PEAK1: variants seen among roughly 807,000 people sequenced by gnomAD.
PEAK1 encodes the protein inactive tyrosine-protein kinase PEAK1.
A neutral mutation model predicts 124.7 loss-of-function variants in PEAK1; 54 were observed. The ratio of observed to expected loss-of-function variants is 0.43; its 90% CI spans 0.35 to 0.54. The LOEUF (loss-of-function observed/expected upper bound fraction) is 0.54. Among genes scored for constraint, PEAK1 ranks in the 20% least tolerant of loss-of-function variants. PEAK1 has a pLI of 0.01. For missense variants in PEAK1, 2,046 were observed against 2,134.5 expected, an observed-to-expected ratio of 0.96 and a Z score of 0.82; for synonymous variants, 719 against 760.0, an observed-to-expected ratio of 0.95 and a Z score of 0.89.
intron 6 of PEAK1, among the ~76,000 whole-genome samples, chr15:77,183,237 TG>T (rs1193251847): frequency 6.6e-6 from 1 of 152,192 alleles, no homozygotes; most frequent in Non-Finnish European, 1.5e-5. Flanking sequence ...CACACTCATT[TG>T]TTTACATACT....
intron 1 of PEAK1, among the ~76,000 whole-genome samples, chr15:77,384,326 C>A (rs1449290272): frequency 6.6e-6 from 1 of 152,136 alleles, no homozygotes; most frequent in Non-Finnish European, 1.5e-5. Context: ...CAAATGCAAT[C>A]AGGTTTTGGC....
At chr15:77,324,559 GTAATT>G (rs1402292948) in intron 2 of PEAK1, among the ~76,000 whole-genome samples, 27 of 152,302 alleles carry the variant, frequency 1.8e-4, no homozygotes, top group Non-Finnish European at 2.8e-4. Flanking sequence ...CTGAGACTGA[GTAATT>G]TATAAAGAAA....
chr15:77,263,560 A>G (rs1347511777), intron 5 of PEAK1, among the ~76,000 whole-genome samples: 1 of 152,218 alleles, frequency 6.6e-6, no homozygotes, highest in East Asian at 1.9e-4. Context: ...ACCAGGAAGA[A>G]GCTGAATCTC....
At chr15:77,204,952 A>T (rs541082298) in intron 6 of PEAK1, 54 of 184,410 alleles carry the variant, frequency 2.9e-4, no homozygotes, top group Non-Finnish European at 5.3e-4. Context: ...AAAAGTTCAA[A>T]AAAAGGGAAA....
chr15:77,414,210 T>TCCTTC (rs1488151190), intron 1 of PEAK1, among the ~76,000 whole-genome samples: 2 of 74,004 alleles, frequency 2.7e-5, no homozygotes, highest in Non-Finnish European at 3.7e-5. Context: ...TTTCCTTCTT[T>TCCTTC]TTTTTTTTTT....
intron 7 of PEAK1, among the ~76,000 whole-genome samples, chr15:77,162,024 G>T (rs930340578): frequency 3.3e-5 from 5 of 149,698 alleles, no homozygotes; most frequent in African/African-American, 1.2e-4. Context: ...GGTTCTCAGA[G>T]TTTAAGGTTA....
chr15:77,402,213 C>G (rs2071430995), intron 1 of PEAK1: 21 of 981,918 alleles, frequency 2.1e-5, no homozygotes, highest in Non-Finnish European at 2.5e-5. Flanking sequence ...TTCCCTTGTG[C>G]CTAAGTACAA....
At chr15:77,340,845 A>G (rs145362892) in intron 2 of PEAK1, among the ~76,000 whole-genome samples, 2 of 152,128 alleles carry the variant, frequency 1.3e-5, no homozygotes, top group East Asian at 3.9e-4. Context: ...GACCACCTGC[A>G]CTCTGACCAA....
intron 1 of PEAK1, among the ~76,000 whole-genome samples, chr15:77,366,759 T>G (rs1412736624): frequency 6.6e-6 from 1 of 152,154 alleles, no homozygotes; most frequent in Non-Finnish European, 1.5e-5. Flanking sequence ...GGTTTTGCCA[T>G]GTTGTCCACG....
intron 2 of PEAK1, among the ~76,000 whole-genome samples, chr15:77,320,262 T>TA (rs1353730669): frequency 2.6e-5 from 4 of 152,144 alleles, no homozygotes; most frequent in African/African-American, 9.7e-5. Context: ...CAGAATTCAA[T>TA]AATAAAATGT....
chr15:77,301,642 T>C (rs2063793248), intron 2 of PEAK1, among the ~76,000 whole-genome samples: 2 of 152,348 alleles, frequency 1.3e-5, no homozygotes, highest in South Asian at 2.1e-4. Flanking sequence ...ATATCAAGGA[T>C]ACACGACATC....
chr15:77,158,377 G>C (rs1003195435), intron 8 of PEAK1, 126 bp downstream of exon 8: 4 of 863,304 alleles, frequency 4.6e-6, no homozygotes, highest in Non-Finnish European at 5.3e-6. Context: ...CTTAAAATTT[G>C]TAACTCCAAT....
chr15:77,402,163 C>T, intron 1 of PEAK1: 4 of 741,376 alleles, frequency 5.4e-6, no homozygotes, highest in Non-Finnish European at 6.1e-6. Context: ...GGACACTCCA[C>T]CTCGGAAAAA....
intron 5 of PEAK1, among the ~76,000 whole-genome samples, chr15:77,253,954 G>A (rs947226519): frequency 6.6e-6 from 1 of 152,080 alleles, no homozygotes; most frequent in Non-Finnish European, 1.5e-5. Flanking sequence ...GAGTAGCTGC[G>A]ATTACAGGTG....
intron 2 of PEAK1, chr15:77,335,541 A>G (rs1567274231): frequency 3.2e-6 from 3 of 951,676 alleles, no homozygotes; most frequent in South Asian, 9.7e-5. Context: ...TCACAGTGAC[A>G]TGATCATAGC....
At chr15:77,176,347 C>G (rs998932025) in intron 7 of PEAK1, among the ~76,000 whole-genome samples, 1 of 149,592 alleles carries the variant, frequency 6.7e-6, no homozygotes, top group Non-Finnish European at 1.5e-5. Flanking sequence ...AGTTTAATAT[C>G]TCAATCACTG....
rs148938702 is a variant in PEAK1 at position 77,380,452 on chromosome 15, T to C, written c.-665-15227A>G. Among the ~76,000 whole-genome samples the C allele has an allele frequency of 4.6e-5, 7 of 152,248 alleles. No individual in the cohort carries two copies. In the East Asian group the frequency reaches 1.3e-3, roughly 29 times the overall value. On this transcript the variant is annotated intron_variant, in intron 1 of 9. Transcript: ENST00000682557. Reference sequence around the variant, plus strand: ...CTCTTTCTGCTTATTATGTACGTGGTCCACTGTCAAAGAGATATGAGAAAA... The same window carrying C: ...CTCTTTCTGCTTATTATGTACGTGGCCCACTGTCAAAGAGATATGAGAAAA...
chr15:77,180,668 C>T lies in PEAK1; in HGVS notation c.1259G>A (p.Arg420Gln), dbSNP rs199757552. ...AATCTTGCCATCTTTCTCTTCTAATCGGAGAGCAAGGACTGCTTTGTGGGT... is the reference window on the plus strand; with the variant it reads ...AATCTTGCCATCTTTCTCTTCTAATTGGAGAGCAAGGACTGCTTTGTGGGT... ...PETHKAVLAL[R>Q]LEEKDGKIAV... The change falls in exon 7 of 10, where the codon CGA becomes CAA. Residue 420 changes from arginine (R) to glutamine (Q), a missense_variant. By Grantham distance (43) the Arg-to-Gln change is conservative (BLOSUM62 1). Transcript: ENST00000682557. 1.2e-4 allele frequency: 189 copies of T among 1,614,040 alleles called. No individual in the cohort carries two copies. In the Middle Eastern group the frequency reaches 2.6e-3, roughly 22 times the overall value.
At chr15:77,339,172 G>A (rs567091216) in intron 2 of PEAK1, among the ~76,000 whole-genome samples, 2 of 149,458 alleles carry the variant, frequency 1.3e-5, no homozygotes, top group East Asian at 2.0e-4. Context: ...GTATGGTACT[G>A]CAATCATGCC....
Sources: allele counts gnomAD v4.1 joint callset (sites outside exome capture counted in the v4.1 genomes callset), GRCh38; gene constraint gnomAD v4.1.1; transcripts MANE v1.5; gene names NCBI Gene and HGNC (gene_info 2026-07-23, HGNC 2026-07-21).